MMEL1: variants seen among roughly 807,000 people sequenced by gnomAD.
The protein encoded by MMEL1 is membrane metalloendopeptidase like 1, also known as membrane metallo-endopeptidase-like 1.
MMEL1 carries 98 observed loss-of-function variants against 117.1 expected under a neutral mutation model. The observed-to-expected ratio is 0.84, with a 90% CI of 0.71 to 0.99. The LOEUF is 0.99. MMEL1 is among the 50% of genes least tolerant of loss of function. The pLI is 0.00. For missense variants in MMEL1, 1,014 were observed against 1,049.1 expected (o/e 0.97, Z 0.46); for synonymous variants, 390 against 415.1 (o/e 0.94, Z 0.74).
Position 2,622,555 on chromosome 1 carries a change from T to C in MMEL1, c.154+6776A>G, listed in dbSNP as rs997561406. Among the ~76,000 whole-genome samples, 19 of 152,332 alleles carry C rather than the reference T, an allele frequency of 1.2e-4. No individual in the cohort carries two copies. In the South Asian group the frequency reaches 3.9e-3, roughly 32 times the overall value. On this transcript the variant is annotated intron_variant, in intron 2 of 23. Transcript: ENST00000378412. The stretch of plus-strand genomic sequence containing the variant: ...TAACATTGACCATATTAAATAGTAA[T>C]GTTGCTGATCTGTGGTAGGTAAAAA...
chr1:2,591,916 G>A lies in MMEL1; in HGVS notation c.2163+16C>T, dbSNP rs766095379. On this transcript the variant is annotated intron_variant, in intron 22 of 23. Coordinates refer to ENST00000378412, the MANE Select transcript of MMEL1 (RefSeq NM_033467.4). The stretch of plus-strand genomic sequence containing the variant: ...GGGAAGCATGGGGATGGTGGGACCA[G>A]GACTGCGGCTGCCACCTGGGCATAG... The A allele has an allele frequency of 6.2e-7, 1 of 1,610,694 alleles. No homozygotes were observed. Among genetic ancestry groups the A allele is most frequent in the Non-Finnish European group, 8.5e-7 (1 of 1,177,498 alleles).
At position 2,595,272 on chromosome 1, in the gene MMEL1, G is replaced by T; in HGVS notation, c.1584+4C>A. 1.2e-6 allele frequency: 2 copies of T among 1,612,884 alleles called. No individual in the cohort carries two copies. Among genetic ancestry groups the T allele is most frequent in the Non-Finnish European group, 1.7e-6 (2 of 1,179,452 alleles). On this transcript the variant is annotated splice_donor_region_variant and intron_variant, in intron 16 of 23. Transcript: ENST00000378412. The surrounding 1 kb of genome is among the most constrained non-coding windows in gnomAD (Gnocchi z 4.8). ...GCAGTTTAGGGCTGGGGTTGGGGGC[G>T]CACATTGGAGTACTCCTCGTCCAGG...
chr1:2,594,346 C>A, intron 18 of MMEL1, 39 bp downstream of exon 18: 1 of 1,549,972 alleles, frequency 6.5e-7, no homozygotes, highest in South Asian at 1.2e-5. Flanking sequence ...AACTCTGGCA[C>A]CAAAGGGCCT....
chr1:2,607,146 G>A (rs981074316), intron 6 of MMEL1, 77 bp from the exon 7 acceptor site: 24 of 1,308,416 alleles, frequency 1.8e-5, no homozygotes, highest in African/African-American at 2.9e-5. Flanking sequence ...TGGGGGCGCC[G>A]TTGGCCGGCG....
rs376425557 is a variant in MMEL1, at chr1:2,593,094, T to C, written c.1868-128A>G. On this transcript the variant is annotated intron_variant, in intron 19 of 23. Coordinates refer to ENST00000378412, the MANE Select transcript of MMEL1 (RefSeq NM_033467.4). Reference sequence around the variant, plus strand: ...GCCCCAGTACGGAGAGCCCACAGTCTGAGTAGGCTGAGCCTGGAAGAGCAT... The same window carrying C: ...GCCCCAGTACGGAGAGCCCACAGTCCGAGTAGGCTGAGCCTGGAAGAGCAT... 2.5e-6 allele frequency: 3 copies of C among 1,182,426 alleles called. No homozygotes were observed. In the South Asian group the frequency reaches 4.2e-5, roughly 17 times the overall value. The allele number at this position is 1,182,426 out of a possible 1,614,324, so 73.2% of individuals were successfully genotyped here. A position where few individuals can be genotyped will look rare whatever the true frequency, so the allele number is the denominator to read the frequency against.
chr1:2,596,248 G>T, intron 14 of MMEL1, 141 bp from the exon 15 acceptor site: 1 of 781,280 alleles, frequency 1.3e-6, no homozygotes, highest in Non-Finnish European at 2.1e-6. Context: ...CAGGTGAGGT[G>T]TGGGGCCGGT....
chr1:2,613,204 T>C (rs988821166), intron 2 of MMEL1, among the ~76,000 whole-genome samples: 1 of 152,170 alleles, frequency 6.6e-6, no homozygotes, highest in Non-Finnish European at 1.5e-5. Flanking sequence ...AAGTGCCGCA[T>C]GCTGCATACA....
chr1:2,600,847 T>C (rs1204132535), intron 11 of MMEL1, among the ~76,000 whole-genome samples: 2 of 152,198 alleles, frequency 1.3e-5, no homozygotes, highest in Non-Finnish European at 2.9e-5. Flanking sequence ...AATAAGATAA[T>C]TTCAAAATGA....
At position 2,591,570 on chromosome 1, in the gene MMEL1, G is replaced by C. The variant is rs771211787; in HGVS notation, c.2227C>G (p.Pro743Ala). Residue 743 changes from proline (P) to alanine (A), a missense_variant, in exon 23 of 24, where the codon CCC becomes GCC. Physicochemically the swap from Pro to Ala is conservative, Grantham distance 27. Transcript: ENST00000378412. Reference sequence around the variant, plus strand: ...TGGGAGACTTGCCTGTACTTCAGGGGACTGTGGACGTCTGTCTTGATGGAT... The same window carrying C: ...TGGGAGACTTGCCTGTACTTCAGGGCACTGTGGACGTCTGTCTTGATGGAT... Reference protein sequence around the residue: ...IQSIKTDVHSPLKYRVLGSLQ... With the variant: ...IQSIKTDVHSALKYRVLGSLQ... The C allele has an allele frequency of 3.1e-6, 5 of 1,613,796 alleles. No individual in the cohort carries two copies. Among genetic ancestry groups the C allele is most frequent in the Non-Finnish European group, 4.2e-6 (5 of 1,179,870 alleles).
chr1:2,617,156 G>A (rs909561585), intron 2 of MMEL1, among the ~76,000 whole-genome samples: 2 of 152,108 alleles, frequency 1.3e-5, no homozygotes, highest in African/African-American at 4.8e-5. Context: ...GGCCAGGCGC[G>A]GTGGCTCACG....
intron 2 of MMEL1, among the ~76,000 whole-genome samples, chr1:2,625,964 A>G (rs1392403826): frequency 6.6e-6 from 1 of 152,152 alleles, no homozygotes; most frequent in African/African-American, 2.4e-5. Context: ...CCTGATTCAC[A>G]GATGGTTCTG....
Position 2,627,499 on chromosome 1 carries a change from G to A in MMEL1, c.154+1832C>T, listed in dbSNP as rs899010989. ...AGCATTTGGTGATTGAGCCTATTCC[G>A]CAGCACACAGGGCTTATTTATAAAA... On this transcript the variant is annotated intron_variant, in intron 2 of 23. Transcript: ENST00000378412. Among the ~76,000 whole-genome samples the A allele has an allele frequency of 1.2e-4, 18 of 152,170 alleles. 1 individual carries two copies. The highest frequency in any genetic ancestry group is 1.0e-3 in the Admixed American group (16 of 15,266).
In MMEL1 at chr1:2,594,771, C is replaced by T. The variant is rs1348114731; in HGVS notation, c.1688+19G>A. ...TCCCTGGCCCCCCCCGCCCATGCCG[C>T]ACCAGCGATGCCACTCACAGATTTG... On this transcript the variant is annotated intron_variant, in intron 17 of 23. Coordinates refer to ENST00000378412, the MANE Select transcript of MMEL1 (RefSeq NM_033467.4). 2 of 1,604,070 alleles carry T rather than the reference C, an allele frequency of 1.2e-6. No homozygotes were observed. Among genetic ancestry groups the T allele is most frequent in the Non-Finnish European group, 1.7e-6 (2 of 1,171,876 alleles).
chr1:2,618,813 T>G (rs1432655851), intron 2 of MMEL1, among the ~76,000 whole-genome samples: 2 of 152,126 alleles, frequency 1.3e-5, no homozygotes, highest in Non-Finnish European at 2.9e-5. Flanking sequence ...AAAGAAAATC[T>G]TACATTAGTG....
In MMEL1 at chr1:2,604,266, G is replaced by T; in HGVS notation, c.832C>A (p.Leu278Met). The T allele has an allele frequency of 6.2e-7, 1 of 1,612,842 alleles. No homozygotes were observed. Among genetic ancestry groups the T allele is most frequent in the Non-Finnish European group, 8.5e-7 (1 of 1,179,966 alleles). ...GSNRKVREAY[L>M]QFMVSVATLL... is the part of the protein sequence containing the mutation. ...GTGGCCACTGACACCATGAACTGCA[G>T]GTAGGCTTCCCGCACCTGGGCCAAA... is the stretch of plus-strand genomic sequence containing the variant. Residue 278 changes from leucine (L) to methionine (M), a missense_variant, in exon 10 of 24, where the codon CTG becomes ATG. Transcript: ENST00000378412.
chr1:2,629,442 C>T lies in MMEL1; in HGVS notation c.43G>A (p.Gly15Ser). 1 of 1,543,924 alleles carries T rather than the reference C, an allele frequency of 6.5e-7. No homozygotes were observed. The change falls in exon 2 of 24, where the codon GGC becomes AGC. Residue 15 changes from glycine to serine, a missense_variant. Gly to Ser is a moderately conservative substitution (Grantham distance 56). Coordinates refer to ENST00000378412, the MANE Select transcript of MMEL1 (RefSeq NM_033467.4). ...EGPVGMVESA[G>S]RAGQKRPGFL... ...CCCGGGCGCTTCTGCCCTGCACGGCCGGCGCTCTCCACCATCCCCACTGGG... is the reference window on the plus strand; with the variant it reads ...CCCGGGCGCTTCTGCCCTGCACGGCTGGCGCTCTCCACCATCCCCACTGGG...
intron 11 of MMEL1, among the ~76,000 whole-genome samples, chr1:2,601,304 C>T (rs897764417): frequency 3.3e-5 from 5 of 152,024 alleles, no homozygotes; most frequent in African/African-American, 4.8e-5. Context: ...TATGGGCCCA[C>T]GCATAGACAC....
At position 2,591,041 on chromosome 1, in the gene MMEL1, G is replaced by C. The variant is rs149935815; in HGVS notation, c.2289C>G (p.His763Gln). 2.5e-6 allele frequency: 4 copies of C among 1,606,900 alleles called. No homozygotes were observed. In the African/African-American group the frequency reaches 4.0e-5, roughly 16 times the overall value. ...GGTGCATGGGGGTGCCCCGGGCACAGTGGAACGTGTCTGCGAAGGCGGCCA... is the reference window on the plus strand; with the variant it reads ...GGTGCATGGGGGTGCCCCGGGCACACTGGAACGTGTCTGCGAAGGCGGCCA... ...QNLAAFADTFHCARGTPMHPK... is the reference protein window; with the variant it reads ...QNLAAFADTFQCARGTPMHPK... The change falls in exon 24 of 24, where the codon CAC becomes CAG. Residue 763 changes from histidine to glutamine, a missense_variant. By Grantham distance (24) the His-to-Gln change is conservative (BLOSUM62 0). Transcript: ENST00000378412.
At chr1:2,608,797 T>G (rs1242787719) in intron 6 of MMEL1, among the ~76,000 whole-genome samples, 4 of 152,040 alleles carry the variant, frequency 2.6e-5, no homozygotes, top group Non-Finnish European at 5.9e-5. Context: ...ACCGCATGCA[T>G]ATACATATAC....
Sources: gnomAD v4.1 joint callset for allele counts (sites outside exome capture counted in the v4.1 genomes callset) on GRCh38, gnomAD v4.1.1 for gene constraint, Gnocchi (gnomAD v3.1) non-coding constraint, MANE v1.5 for transcripts, NCBI Gene and HGNC (gene_info 2026-07-23, HGNC 2026-07-21) for gene names.